The following MYMK variants were observed in gnomAD, a reference collection of about 807,000 sequenced individuals.
MYMK encodes myomaker, myoblast fusion factor.
In MYMK, 16 loss-of-function variants were observed where a neutral mutation model predicts 22.4. The ratio of observed to expected loss-of-function variants is 0.72; its 90% CI spans 0.48 to 1.09. The LOEUF (loss-of-function observed/expected upper bound fraction) is 1.09. Ranked by LOEUF, MYMK falls within the 50% of genes least tolerant of loss-of-function variation. The pLI is 0.00. For missense variants in MYMK, 250 were observed against 295.6 expected (o/e 0.85, Z 1.13); for synonymous variants, 125 against 127.0 (o/e 0.98, Z 0.11).
In MYMK at chr9:133,515,405, G is replaced by A. The variant is rs764348829; in HGVS notation, c.516+86C>T. 36 of 920,416 alleles carry A rather than the reference G, an allele frequency of 3.9e-5. No homozygotes were observed. Among genetic ancestry groups the A allele is most frequent in the African/African-American group, 1.8e-4 (11 of 60,812 alleles). 57.0% of individuals were successfully genotyped at this position (920,416 alleles called of 1,614,324 possible). A position where few individuals can be genotyped will look rare whatever the true frequency, so the allele number is the denominator to read the frequency against. ...CTGGGGCTGTCAGAGTCCCCCCAGC[G>A]TGGGCACAGCCCTGGTATCCCAGCT... On this transcript the variant is annotated intron_variant, in intron 4 of 4. Coordinates refer to ENST00000339996, the MANE Select transcript of MYMK (RefSeq NM_001080483.3). The surrounding 1 kb of genome is among the most constrained non-coding windows in gnomAD (Gnocchi z 5.8).
chr9:133,520,377 G>A (rs1313394452), intron 1 of MYMK, 89 bp from the exon 2 acceptor site: 9 of 968,228 alleles, frequency 9.3e-6, no homozygotes, highest in Non-Finnish European at 1.5e-5. Flanking sequence ...TCACTTGCTG[G>A]CTGTGAGAAG....
At chr9:133,519,424 G>A (rs562829621) in intron 2 of MYMK, among the ~76,000 whole-genome samples, 7 of 152,248 alleles carry the variant, frequency 4.6e-5, no homozygotes, top group Admixed American at 3.9e-4. Context: ...GGTGGGTGTC[G>A]TGGTGCATGC....
rs1844664251 is a variant in MYMK, at chr9:133,518,911, G to A, written c.362C>T (p.Pro121Leu). The change falls in exon 3 of 5, where the codon CCC becomes CTC. Residue 121 changes from proline (P) to leucine (L), a missense_variant. Pro to Leu is a moderately conservative substitution (Grantham distance 98). Transcript: ENST00000339996. ...GATGATGAGGATGGCTGTGCCGATG[G>A]GGCCCGAGTACACCCCGTAGCCCCA... ...DRWGYGVYSG[P>L]IGTAILIIAA... is the part of the protein sequence containing the mutation. 6.2e-7 allele frequency: 1 copy of A among 1,613,628 alleles called. No individual in the cohort carries two copies. The highest frequency in any genetic ancestry group is 8.5e-7 in the Non-Finnish European group (1 of 1,179,976).
chr9:133,520,819 C>T (rs1277233120), intron 1 of MYMK, among the ~76,000 whole-genome samples: 2 of 152,204 alleles, frequency 1.3e-5, no homozygotes, highest in African/African-American at 4.8e-5. Flanking sequence ...GACTGGTCTA[C>T]ACTGCAGCAG....
chr9:133,514,792 G>A lies in MYMK; in HGVS notation c.517-7C>T. 6.2e-7 allele frequency: 1 copy of A among 1,612,646 alleles called. No homozygotes were observed. The highest frequency in any genetic ancestry group is 8.5e-7 in the Non-Finnish European group (1 of 1,179,056). ...CATAAGTGTAGTCCCAGTCCTGCGG[G>A]GGGCAAGCGGTCAGTCTGGGGCCTC... On this transcript the variant is annotated splice_region_variant and splice_polypyrimidine_tract_variant and intron_variant, in intron 4 of 4. Coordinates refer to ENST00000339996, the MANE Select transcript of MYMK (RefSeq NM_001080483.3).
intron 3 of MYMK, among the ~76,000 whole-genome samples, chr9:133,518,664 G>C (rs991280772): frequency 6.6e-6 from 1 of 152,192 alleles, no homozygotes; most frequent in African/African-American, 2.4e-5. Flanking sequence ...GCTCAGTCTG[G>C]AGCTGGTGAG....
rs527727634 is a variant in MYMK at position 133,514,833 on chromosome 9, G to A, written c.517-48C>T. The A allele has an allele frequency of 1.7e-5, 27 of 1,584,656 alleles. No homozygotes were observed. The East Asian group carries it at 4.9e-4, about 29-fold the overall frequency. On this transcript the variant is annotated intron_variant, in intron 4 of 4. Transcript: ENST00000339996. ...CTGGGGCCTCAGCCCCCTCCCCGAG[G>A]CTCCTCCCTCTCCAAGACCCAGCAG... is the stretch of plus-strand genomic sequence containing the variant.
intron 2 of MYMK, 98 bp downstream of exon 2, chr9:133,520,076 A>T (rs960023994): frequency 2.7e-5 from 23 of 856,658 alleles, no homozygotes; most frequent in Non-Finnish European, 4.5e-5. Context: ...GTGAGTGGGG[A>T]TAGAGGGCTG....
intron 1 of MYMK, among the ~76,000 whole-genome samples, chr9:133,521,210 ACT>A (rs758894159): frequency 1.8e-4 from 28 of 151,892 alleles, no homozygotes; most frequent in Non-Finnish European, 3.4e-4. Flanking sequence ...ACGGAAAACA[ACT>A]CTCTCTCCTT....
rs1844623269 is a variant in MYMK, at chr9:133,515,702, C to T, written c.400-95G>A. The T allele has an allele frequency of 1.3e-6, 1 of 764,634 alleles. No individual in the cohort carries two copies. Among genetic ancestry groups the T allele is most frequent in the Non-Finnish European group, 2.2e-6 (1 of 447,082 alleles). 47.4% of individuals were successfully genotyped at this position (764,634 alleles called of 1,614,324 possible). A position where few individuals can be genotyped will look rare whatever the true frequency, so the allele number is the denominator to read the frequency against. ...CCCGAGAGCTGGCCCTGCACAGGCT[C>T]ACCCCAGCCCTCTCCCGGCAGGAGA... On this transcript the variant is annotated intron_variant, in intron 3 of 4. Transcript: ENST00000339996. This position sits in a 1 kb window ranked among gnomAD's most constrained non-coding sequence, Gnocchi z 5.8.
chr9:133,514,682 G>T lies in MYMK; in HGVS notation c.620C>A (p.Thr207Asn), dbSNP rs1564483307. The T allele has an allele frequency of 6.2e-7, 1 of 1,614,012 alleles. No individual in the cohort carries two copies. The highest frequency in any genetic ancestry group is 8.5e-7 in the Non-Finnish European group (1 of 1,179,876). Residue 207 changes from threonine to asparagine, a missense_variant, in exon 5 of 5, where the codon ACC (threonine) becomes AAC (asparagine). Thr to Asn is a moderately conservative substitution (Grantham distance 65). Transcript: ENST00000339996. ...KVNKKAGSPG[T>N]PAKLDCSTLC... The stretch of plus-strand genomic sequence containing the variant: ...GGTGGAGCAGTCCAGCTTGGCCGGG[G>T]TCCCCGGGGATCCAGCCTTCTTGTT...
chr9:133,520,302 C>T lies in MYMK; in HGVS notation c.136-14G>A. ...GGCATGGTGGAGCTGCCAGAAAACC[C>T]ACAGGTGGTCACAGCACAAAGAGGC... On this transcript the variant is annotated splice_polypyrimidine_tract_variant and intron_variant, in intron 1 of 4. Transcript: ENST00000339996. The T allele has an allele frequency of 6.2e-7, 1 of 1,609,386 alleles. No individual in the cohort carries two copies. The highest frequency in any genetic ancestry group is 1.1e-5 in the South Asian group (1 of 90,936).
At position 133,515,083 on chromosome 9, in the gene MYMK, C is replaced by G. The variant is rs1844615470; in HGVS notation, c.517-298G>C. Among the ~76,000 whole-genome samples the G allele has an allele frequency of 6.6e-6, 1 of 151,672 alleles. No homozygotes were observed. Among genetic ancestry groups the G allele is most frequent in the Admixed American group, 6.6e-5 (1 of 15,238 alleles). ...CTACCCTCCCTCCCTCCATCTCCCC[C>G]TCTTTTCTCTCCTTATCCCTCTTCC... is the stretch of plus-strand genomic sequence containing the variant. On this transcript the variant is annotated intron_variant, in intron 4 of 4. Coordinates refer to ENST00000339996, the MANE Select transcript of MYMK (RefSeq NM_001080483.3). This position sits in a 1 kb window ranked among gnomAD's most constrained non-coding sequence, Gnocchi z 5.8.
In MYMK at chr9:133,520,278, G is replaced by C; in HGVS notation, c.146C>G (p.Ala49Gly). 1 of 1,614,094 alleles carries C rather than the reference G, an allele frequency of 6.2e-7. No homozygotes were observed. Among genetic ancestry groups the C allele is most frequent in the Non-Finnish European group, 8.5e-7 (1 of 1,179,994 alleles). The change falls in exon 2 of 5, where the codon GCC becomes GGC. Residue 49 changes from alanine (A) to glycine (G), a missense_variant. Transcript: ENST00000339996. ...FTLFFVALHH[A>G]CNGPGLSVLC... ...CACAGACAAGCCGGGTCCATTGCAGGCATGGTGGAGCTGCCAGAAAACCCA... is the reference window on the plus strand; with the variant it reads ...CACAGACAAGCCGGGTCCATTGCAGCCATGGTGGAGCTGCCAGAAAACCCA...
At chr9:133,524,683 G>A in intron 1 of MYMK, 27 bp downstream of exon 1, 1 of 1,614,066 alleles carries the variant, frequency 6.2e-7, no homozygotes, top group South Asian at 1.1e-5. Context: ...GGCCTGTGTG[G>A]GACTTCCTCC....
chr9:133,516,364 G>T (rs987936001), intron 3 of MYMK, among the ~76,000 whole-genome samples: 2 of 152,210 alleles, frequency 1.3e-5, no homozygotes, highest in Non-Finnish European at 2.9e-5. Context: ...CAGCCTTGTT[G>T]GGGAGGAAGG....
At chr9:133,516,027 T>C (rs1844626551) in intron 3 of MYMK, among the ~76,000 whole-genome samples, 1 of 152,218 alleles carries the variant, frequency 6.6e-6, no homozygotes, top group Admixed American at 6.5e-5. Flanking sequence ...GGGATGGCAC[T>C]TGTGGTGATC....
At position 133,514,699 on chromosome 9, in the gene MYMK, C is replaced by T; in HGVS notation, c.603G>A (p.Lys201=). 1 of 1,614,058 alleles carries T rather than the reference C, an allele frequency of 6.2e-7. No homozygotes were observed. The highest frequency in any genetic ancestry group is 2.2e-5 in the East Asian group (1 of 44,878). ...FVLLLPKVNK[K]AGSPGTPAKL... is the part of the protein sequence containing the mutation. ...TGGCCGGGGTCCCCGGGGATCCAGC[C>T]TTCTTGTTGACCTTGGGCAGCAGCA... is the stretch of plus-strand genomic sequence containing the variant. Residue 201 remains lysine (K), a synonymous_variant, in exon 5 of 5, where the codon AAG becomes AAA. Coordinates refer to ENST00000339996, the MANE Select transcript of MYMK (RefSeq NM_001080483.3).
At chr9:133,518,794 T>C in intron 3 of MYMK, 80 bp downstream of exon 3, 1 of 1,532,518 alleles carries the variant, frequency 6.5e-7, no homozygotes. Flanking sequence ...TAAATGAAGA[T>C]CCGAGGCAGG....
Sources: gnomAD v4.1 joint callset for allele counts (sites outside exome capture counted in the v4.1 genomes callset) on GRCh38, gnomAD v4.1.1 for gene constraint, Gnocchi (gnomAD v3.1) non-coding constraint, MANE v1.5 for transcripts, NCBI Gene and HGNC (gene_info 2026-07-23, HGNC 2026-07-21) for gene names.